The following PLLP variants were observed in gnomAD, a reference collection of about 807,000 sequenced individuals.
PLLP encodes the protein plasma membrane proteolipid (plasmolipin).
Under a neutral mutation model 19.7 loss-of-function variants are expected in PLLP, and 15 were observed. The ratio of observed to expected loss-of-function variants is 0.76; its 90% CI spans 0.51 to 1.17. PLLP has a LOEUF of 1.17. Among genes scored for constraint, PLLP ranks in the 50% most tolerant of loss-of-function variants. PLLP has a pLI of 0.00. For synonymous variants in PLLP, 111 were observed against 116.3 expected (o/e 0.95, Z 0.29); for missense variants, 255 against 258.3 (o/e 0.99, Z 0.09).
intron 3 of PLLP, among the ~76,000 whole-genome samples, chr16:57,258,174 T>C (rs1275369937): frequency 6.6e-6 from 1 of 152,092 alleles, no homozygotes; most frequent in African/African-American, 2.4e-5. Flanking sequence ...GAGGTTGCAG[T>C]GAGCTGAGAT....
intron 1 of PLLP, among the ~76,000 whole-genome samples, chr16:57,280,589 A>G (rs1247099698): frequency 2.0e-5 from 3 of 151,920 alleles, no homozygotes; most frequent in Non-Finnish European, 2.9e-5. Context: ...CAAAACAAAG[A>G]CCTGCCTCCT....
intron 2 of PLLP, among the ~76,000 whole-genome samples, chr16:57,261,443 A>C (rs549996846): frequency 6.6e-6 from 1 of 152,276 alleles, no homozygotes; most frequent in Admixed American, 6.5e-5. Context: ...GCACCTAGGC[A>C]TGGTGGCTCA....
intron 1 of PLLP, among the ~76,000 whole-genome samples, chr16:57,275,452 TA>T (rs1371849082): frequency 6.6e-6 from 1 of 151,930 alleles, no homozygotes; most frequent in African/African-American, 2.4e-5. Flanking sequence ...TCTGTCACAA[TA>T]GAAGCTAACA....
At position 57,256,276 on chromosome 16, in the gene PLLP, G is replaced by C. The variant is rs1241121021; in HGVS notation, c.*637C>G. ...AAGGGAGTATTACAGAGAGAGGCTT[G>C]GGAAAGGGAAGGAAACCTGGACAGG... On this transcript the variant is annotated 3_prime_UTR_variant, in exon 4 of 4. Coordinates refer to ENST00000219207, the MANE Select transcript of PLLP (RefSeq NM_015993.3). 2.3e-5 allele frequency: 9 copies of C among 384,620 alleles called. No homozygotes were observed. Among genetic ancestry groups the C allele is most frequent in the Non-Finnish European group, 2.8e-5 (6 of 218,166 alleles). 23.8% of individuals were successfully genotyped at this position (384,620 alleles called of 1,614,324 possible). A position where few individuals can be genotyped will look rare whatever the true frequency, so the allele number is the denominator to read the frequency against.
chr16:57,284,352 C>A, intron 1 of PLLP, 54 bp downstream of exon 1: 2 of 1,311,346 alleles, frequency 1.5e-6, no homozygotes, highest in Non-Finnish European at 1.9e-6. Context: ...CCTCACCCAT[C>A]CTGGCCGGAC....
intron 1 of PLLP, among the ~76,000 whole-genome samples, chr16:57,262,714 G>A (rs1221430735): frequency 6.6e-6 from 1 of 152,130 alleles, no homozygotes; most frequent in African/African-American, 2.4e-5. Flanking sequence ...CAACCTCAGA[G>A]ACAGAGTGAA....
At chr16:57,266,912 A>T (rs1597961313) in intron 1 of PLLP, among the ~76,000 whole-genome samples, 1 of 112,124 alleles carries the variant, frequency 8.9e-6, no homozygotes. Context: ...AATAATTTGG[A>T]TTAGGAACTT....
intron 1 of PLLP, among the ~76,000 whole-genome samples, chr16:57,274,907 GC>G (rs1217859213): frequency 6.6e-6 from 1 of 151,720 alleles, no homozygotes; most frequent in African/African-American, 2.4e-5. Flanking sequence ...GACTACAGGC[GC>G]CCGCCACCAT....
chr16:57,269,144 A>G (rs2075466629), intron 1 of PLLP, among the ~76,000 whole-genome samples: 1 of 152,142 alleles, frequency 6.6e-6, no homozygotes, highest in African/African-American at 2.4e-5. Flanking sequence ...CCCTGGCACA[A>G]TGGAAGCAGG....
chr16:57,284,558 C>T lies in PLLP; in HGVS notation c.-18G>A. 1 of 1,335,974 alleles carries T rather than the reference C, an allele frequency of 7.5e-7. No individual in the cohort carries two copies. 82.8% of individuals were successfully genotyped at this position (1,335,974 alleles called of 1,614,324 possible). A position where few individuals can be genotyped will look rare whatever the true frequency, so the allele number is the denominator to read the frequency against. ...TCGGCCATGGCGGCTCCGCTTGCCTCCCGAGGTCGCTACGGCCGCCGTCGC... is the reference window on the plus strand; with the variant it reads ...TCGGCCATGGCGGCTCCGCTTGCCTTCCGAGGTCGCTACGGCCGCCGTCGC... On this transcript the variant is annotated 5_prime_UTR_variant, in exon 1 of 4. Transcript: ENST00000219207.
In PLLP at chr16:57,256,851, G is replaced by A; in HGVS notation, c.*62C>T. On this transcript the variant is annotated 3_prime_UTR_variant, in exon 4 of 4. Coordinates refer to ENST00000219207, the MANE Select transcript of PLLP (RefSeq NM_015993.3). ...GGCTCCCCAGCTTCAGGCTTGCAGG[G>A]TGACCCTGCTCTGTGACCCAGCGGC... 5 of 1,133,364 alleles carry A rather than the reference G, an allele frequency of 4.4e-6. No individual in the cohort carries two copies. Among genetic ancestry groups the A allele is most frequent in the Admixed American group, 1.7e-5 (1 of 58,004 alleles). 70.2% of individuals were successfully genotyped at this position (1,133,364 alleles called of 1,614,324 possible).
In PLLP at chr16:57,256,802, C is replaced by G; in HGVS notation, c.*111G>C. On this transcript the variant is annotated 3_prime_UTR_variant, in exon 4 of 4. Coordinates refer to ENST00000219207, the MANE Select transcript of PLLP (RefSeq NM_015993.3). ...ACGGGCAGAGAGGAGCAAATGCAGT[C>G]CCTGTTGGGCTGACTCCACGCAGGG... is the stretch of plus-strand genomic sequence containing the variant. 1.4e-6 allele frequency: 1 copy of G among 701,030 alleles called. No homozygotes were observed. Among genetic ancestry groups the G allele is most frequent in the Admixed American group, 2.2e-5 (1 of 46,248 alleles). 43.4% of individuals were successfully genotyped at this position (701,030 alleles called of 1,614,324 possible). A position where few individuals can be genotyped will look rare whatever the true frequency, so the allele number is the denominator to read the frequency against.
chr16:57,283,539 C>T (rs1324161044), intron 1 of PLLP, among the ~76,000 whole-genome samples: 1 of 152,220 alleles, frequency 6.6e-6, no homozygotes, highest in African/African-American at 2.4e-5. Flanking sequence ...ATGTATCAGG[C>T]CCTCACCCAC....
At chr16:57,257,333 A>C (rs2075429043) in intron 3 of PLLP, among the ~76,000 whole-genome samples, 1 of 152,318 alleles carries the variant, frequency 6.6e-6, no homozygotes, top group East Asian at 1.9e-4. Context: ...TTCTAAAAAG[A>C]CAACATTCAA....
intron 1 of PLLP, among the ~76,000 whole-genome samples, chr16:57,267,893 A>G (rs1168104233): frequency 5.5e-5 from 8 of 146,294 alleles, no homozygotes; most frequent in Admixed American, 5.4e-4. Flanking sequence ...AAAAAAAAAG[A>G]AAGAAAGAAA....
At chr16:57,262,944 G>A (rs1387688330) in intron 1 of PLLP, among the ~76,000 whole-genome samples, 2 of 152,006 alleles carry the variant, frequency 1.3e-5, no homozygotes, top group African/African-American at 4.8e-5. Context: ...GGCCATAATC[G>A]TTCCCTTCCC....
intron 1 of PLLP, among the ~76,000 whole-genome samples, chr16:57,264,397 C>G (rs1379314107): frequency 6.6e-6 from 1 of 152,214 alleles, no homozygotes; most frequent in Admixed American, 6.5e-5. Context: ...GAGGAAGATT[C>G]TGGGTTTTGT....
chr16:57,262,487 G>C (rs2075444879), intron 1 of PLLP, among the ~76,000 whole-genome samples: 1 of 152,158 alleles, frequency 6.6e-6, no homozygotes, highest in Admixed American at 6.5e-5. Context: ...GGGAGGCAGA[G>C]GTTGCAGTGA....
At chr16:57,259,601 C>T (rs1362331467) in intron 2 of PLLP, among the ~76,000 whole-genome samples, 1 of 152,146 alleles carries the variant, frequency 6.6e-6, no homozygotes, top group African/African-American at 2.4e-5. Context: ...TCAGTTCGTC[C>T]AATATACTTT....
Sources: allele counts gnomAD v4.1 joint callset (sites outside exome capture counted in the v4.1 genomes callset), GRCh38; gene constraint gnomAD v4.1.1; transcripts MANE v1.5; gene names NCBI Gene and HGNC (gene_info 2026-07-23, HGNC 2026-07-21).